ASPRV1: variants seen among roughly 807,000 people sequenced by gnomAD.
ASPRV1 encodes aspartic peptidase retroviral like 1, also known as retroviral-like aspartic protease 1.
Under a neutral mutation model 11.0 loss-of-function variants are expected in ASPRV1, and 7 were observed. The ratio of observed to expected loss-of-function variants is 0.64; its 90% CI spans 0.36 to 1.20. ASPRV1 has a LOEUF of 1.20. Among genes scored for constraint, ASPRV1 ranks in the 50% most tolerant of loss-of-function variants. The pLI, the probability that ASPRV1 is intolerant of heterozygous loss-of-function variation, is 0.02. For missense variants in ASPRV1, 299 were observed against 320.0 expected, an observed-to-expected ratio of 0.93 and a Z score of 0.50; for synonymous variants, 136 against 138.4, an observed-to-expected ratio of 0.98 and a Z score of 0.12.
chr2:70,021,067 C>A, the ASPRV1 span, among the ~76,000 whole-genome samples: 1 of 152,108 alleles, frequency 6.6e-6, no homozygotes, highest in Non-Finnish European at 1.5e-5. Context: ...AGAATGCTCA[C>A]CATTGCTCCC....
the ASPRV1 span, chr2:70,059,701 A>C: frequency 1.2e-5 from 2 of 162,404 alleles, no homozygotes; most frequent in African/African-American, 4.8e-5. Context: ...ATGAGATAGG[A>C]GACAGTGACA....
At chr2:70,042,642 G>A in the ASPRV1 span, among the ~76,000 whole-genome samples, 1 of 152,198 alleles carries the variant, frequency 6.6e-6, no homozygotes, top group East Asian at 1.9e-4. Flanking sequence ...TGGAGACACT[G>A]GCTCTAATAT....
the ASPRV1 span, among the ~76,000 whole-genome samples, chr2:69,990,803 C>T: frequency 6.6e-6 from 1 of 152,122 alleles, no homozygotes. Flanking sequence ...CACTTTCTCT[C>T]CTACTGACTC....
At chr2:70,036,248 G>C in the ASPRV1 span, among the ~76,000 whole-genome samples, 1 of 152,052 alleles carries the variant, frequency 6.6e-6, no homozygotes, top group East Asian at 2.0e-4. Flanking sequence ...ATTTTACCTT[G>C]GTGGGCTTGG....
chr2:70,066,242 C>CT, the ASPRV1 span, among the ~76,000 whole-genome samples: 45 of 151,052 alleles, frequency 3.0e-4, no homozygotes, highest in African/African-American at 1.0e-3. Context: ...TCACTAACAT[C>CT]ATTTTTTTTT....
chr2:70,086,364 T>C, the ASPRV1 span: 2 of 152,354 alleles, frequency 1.3e-5, no homozygotes, highest in African/African-American at 4.8e-5. Context: ...GTGAAGCACG[T>C]TGCGCACGGG....
the ASPRV1 span, among the ~76,000 whole-genome samples, chr2:70,022,549 G>C: frequency 6.6e-6 from 1 of 152,090 alleles, no homozygotes; most frequent in African/African-American, 2.4e-5. Context: ...GTTAGTGGGG[G>C]CATGGTGGCA....
upstream of ASPRV1, chr2:69,964,406 G>A (rs998071751): frequency 4.6e-6 from 2 of 437,432 alleles, no homozygotes; most frequent in Admixed American, 2.6e-5. Flanking sequence ...GCCTCTGGCC[G>A]AGTCTGGGAG....
At chr2:69,940,617 C>T in the ASPRV1 span, 1 of 152,522 alleles carries the variant, frequency 6.6e-6, no homozygotes, top group Non-Finnish European at 1.5e-5. Context: ...ATGTACTGTC[C>T]CAATATAAAA....
the ASPRV1 span, among the ~76,000 whole-genome samples, chr2:70,038,587 G>A: frequency 7.3e-6 from 1 of 137,174 alleles, no homozygotes; most frequent in Non-Finnish European, 1.5e-5. Flanking sequence ...CATGTCTCAA[G>A]GGGGAAAAAA....
chr2:70,070,179 C>CAAAAAAAAAAAAA, the ASPRV1 span: 1 of 47,114 alleles, frequency 2.1e-5, no homozygotes, highest in African/African-American at 8.2e-5. Flanking sequence ...GACTCCATCT[C>CAAAAAAAAAAAAA]AAAAAAAAAA....
the ASPRV1 span, among the ~76,000 whole-genome samples, chr2:70,060,550 C>T: frequency 2.0e-5 from 3 of 151,708 alleles, no homozygotes; most frequent in Non-Finnish European, 2.9e-5. Flanking sequence ...CAGTGGCTTA[C>T]GCCTGTAATC....
At chr2:69,953,874 AT>A in the ASPRV1 span, among the ~76,000 whole-genome samples, 5,636 of 141,562 alleles carry the variant, frequency 0.04, 295 homozygotes, top group African/African-American at 0.12. Flanking sequence ...TGCCCGGCTA[AT>A]TTTTTTTTTT....
chr2:69,944,635 A>G, the ASPRV1 span, among the ~76,000 whole-genome samples: 1 of 152,148 alleles, frequency 6.6e-6, no homozygotes, highest in South Asian at 2.1e-4. Flanking sequence ...TCTTCCATAT[A>G]CGGCATCTTT....
chr2:70,035,116 G>A, the ASPRV1 span: 1 of 152,394 alleles, frequency 6.6e-6, no homozygotes, highest in South Asian at 2.1e-4. Flanking sequence ...TGAGAAGGAA[G>A]GGAGGTGAAG....
chr2:70,077,600 T>C, the ASPRV1 span, among the ~76,000 whole-genome samples: 6 of 152,310 alleles, frequency 3.9e-5, no homozygotes, highest in African/African-American at 1.4e-4. Context: ...ACACCTGTAA[T>C]CCCAGCACTT....
At chr2:69,983,987 T>C in the ASPRV1 span, among the ~76,000 whole-genome samples, 613 of 152,256 alleles carry the variant, frequency 4.0e-3, 1 homozygote, top group African/African-American at 0.014. Flanking sequence ...TTCCCAGCCT[T>C]CCTGAGGTCT....
chr2:70,074,066 G>A, the ASPRV1 span, among the ~76,000 whole-genome samples: 2 of 144,014 alleles, frequency 1.4e-5, no homozygotes, highest in Admixed American at 7.1e-5. Flanking sequence ...CCCAGGAGGC[G>A]GAGCTTGCAG....
the ASPRV1 span, among the ~76,000 whole-genome samples, chr2:70,051,933 C>T: frequency 6.6e-6 from 1 of 152,062 alleles, no homozygotes; most frequent in Non-Finnish European, 1.5e-5. Context: ...CGAGATCATG[C>T]CACTGCACTC....
Sources: allele counts gnomAD v4.1 joint callset (sites outside exome capture counted in the v4.1 genomes callset), GRCh38; gene constraint gnomAD v4.1.1; transcripts MANE v1.5; gene names NCBI Gene and HGNC (gene_info 2026-07-23, HGNC 2026-07-21).